Variants in MAP3K2 observed in about 807,000 individuals in gnomAD.
The protein encoded by MAP3K2 is MAP/ERK kinase kinase 2.
Under a neutral mutation model 80.3 loss-of-function variants are expected in MAP3K2, and 24 were observed. The observed-to-expected ratio is 0.30, with a 90% confidence interval of 0.22 to 0.42. The LOEUF (loss-of-function observed/expected upper bound fraction) is 0.42, where lower values mean the gene tolerates loss of function less well. Among genes scored for constraint, MAP3K2 ranks in the 10% least tolerant of loss-of-function variants. The pLI is 1.00. For missense variants in MAP3K2, 608 were observed against 750.1 expected (o/e 0.81, Z 2.21); for synonymous variants, 244 against 253.7 (o/e 0.96, Z 0.36).
At chr2:127,353,994 G>A (rs907800301) in intron 1 of MAP3K2, among the ~76,000 whole-genome samples, 2 of 151,756 alleles carry the variant, frequency 1.3e-5, no homozygotes, top group African/African-American at 4.8e-5. Context: ...AGGGTTAAAT[G>A]GATTAAGGGC....
At chr2:127,358,917 TA>T (rs564351324) in intron 1 of MAP3K2, among the ~76,000 whole-genome samples, 14,538 of 132,872 alleles carry the variant, frequency 0.11, 891 homozygotes, top group African/African-American at 0.21. Flanking sequence ...TCCAAAACAA[TA>T]AAAAAAAAAA....
rs556510874 is a variant in MAP3K2, at chr2:127,324,630, T to C, written c.678-389A>G. Among the ~76,000 whole-genome samples, 5 of 152,324 alleles carry C rather than the reference T, an allele frequency of 3.3e-5. No individual in the cohort carries two copies. In the East Asian group the frequency reaches 7.7e-4, roughly 23 times the overall value. On this transcript the variant is annotated intron_variant, in intron 9 of 16. Coordinates refer to ENST00000682094, the MANE Select transcript of MAP3K2 (RefSeq NM_001371910.2). ...GGTATCCAGGATAGTGTTTTGCAAA[T>C]GGTAAGTACTCAAATATATAGCTTT...
chr2:127,388,308 A>C (rs1219165469), upstream of MAP3K2: 2 of 985,484 alleles, frequency 2.0e-6, no homozygotes, highest in Non-Finnish European at 2.4e-6. Flanking sequence ...GATCCCGTGA[A>C]AAGGTCTCCC....
At chr2:127,333,408 T>C (rs1020143535) in intron 5 of MAP3K2, among the ~76,000 whole-genome samples, 1 of 152,174 alleles carries the variant, frequency 6.6e-6, no homozygotes, top group South Asian at 2.1e-4. Context: ...TAGAAGTTTA[T>C]AGAGTAACAG....
chr2:127,319,196 T>C (rs1036444404), intron 12 of MAP3K2, among the ~76,000 whole-genome samples: 2 of 147,646 alleles, frequency 1.4e-5, no homozygotes, highest in Non-Finnish European at 3.0e-5. Flanking sequence ...CACCCCTGCA[T>C]TACAGTTAAA....
At position 127,387,706 on chromosome 2, in the gene MAP3K2, C is replaced by A. The variant is rs1687396359; in HGVS notation, c.-320G>T. ...CTCGCAGCCGGCCGGGTCCTCCTGG[C>A]GCTCCTCGGCACTTCTAGCCGCTGC... On this transcript the variant is annotated 5_prime_UTR_variant, in exon 1 of 17. Transcript: ENST00000682094. The A allele has an allele frequency of 2.0e-6, 2 of 985,256 alleles. No homozygotes were observed. The highest frequency in any genetic ancestry group is 2.4e-6 in the Non-Finnish European group (2 of 829,904). 61.0% of individuals were successfully genotyped at this position (985,256 alleles called of 1,614,324 possible).
intron 1 of MAP3K2, among the ~76,000 whole-genome samples, chr2:127,370,346 G>C (rs552003322): frequency 6.6e-6 from 1 of 152,330 alleles, no homozygotes; most frequent in Non-Finnish European, 1.5e-5. Context: ...CTGTTGTTCA[G>C]CCAGGGTCTG....
intron 1 of MAP3K2, among the ~76,000 whole-genome samples, chr2:127,386,845 A>G (rs1687359959): frequency 6.6e-6 from 1 of 152,220 alleles, no homozygotes; most frequent in Non-Finnish European, 1.5e-5. Context: ...ACAGTCTTAC[A>G]AAAAGACATC....
Position 127,321,216 on chromosome 2 carries a change from A to T in MAP3K2, c.1045+830T>A, listed in dbSNP as rs767871570. 1.7e-4 allele frequency among the ~76,000 whole-genome samples: 26 copies of T among 152,358 alleles called. No individual in the cohort carries two copies. Among genetic ancestry groups the T allele is most frequent in the Non-Finnish European group, 2.9e-4 (20 of 68,032 alleles). On this transcript the variant is annotated intron_variant, in intron 12 of 16. Transcript: ENST00000682094. The surrounding 1 kb of genome is among the most constrained non-coding windows in gnomAD (Gnocchi z 4.4). ...AAGGTTAAAATGCAGTTTTTCAGGC[A>T]GAAGGAATTTGATACCCAATAGATC...
At chr2:127,324,365 T>C (rs940287937) in intron 9 of MAP3K2, 124 bp from the exon 10 acceptor site, 4 of 549,776 alleles carry the variant, frequency 7.3e-6, no homozygotes, top group Non-Finnish European at 1.3e-5. Flanking sequence ...GGAGCTCACT[T>C]TGAAAGGTTA....
At chr2:127,309,906 TC>T (rs1685778512) in intron 15 of MAP3K2, among the ~76,000 whole-genome samples, 1 of 152,028 alleles carries the variant, frequency 6.6e-6, no homozygotes, top group Non-Finnish European at 1.5e-5. Flanking sequence ...AAAGTCATTC[TC>T]CCCCACCCTT....
chr2:127,384,213 GATAT>G (rs35560058), intron 1 of MAP3K2, among the ~76,000 whole-genome samples: 75 of 144,386 alleles, frequency 5.2e-4, no homozygotes, highest in East Asian at 1.4e-3. Flanking sequence ...ATTTTTAATT[GATAT>G]ATATATATAT....
chr2:127,366,630 G>C (rs940707718), intron 1 of MAP3K2, among the ~76,000 whole-genome samples: 1 of 151,740 alleles, frequency 6.6e-6, no homozygotes, highest in African/African-American at 2.4e-5. Context: ...ATTATTTTTC[G>C]GTTGCTACTG....
chr2:127,339,013 C>T lies in MAP3K2; in HGVS notation c.42G>A (p.Leu14=), dbSNP rs754972563. The T allele has an allele frequency of 2.5e-6, 4 of 1,612,288 alleles. No individual in the cohort carries two copies. Among genetic ancestry groups the T allele is most frequent in the Non-Finnish European group, 3.4e-6 (4 of 1,179,164 alleles). ...QQALNSIMQD[L]AVLHKASRPA... ...GTCGACTGGCCTTATGAAGGACAGC[C>T]AAATCTTGCATGATTGAGTTCAAAG... The change falls in exon 3 of 17, where the codon TTG becomes TTA. Residue 14 remains leucine, a synonymous_variant. Transcript: ENST00000682094. The surrounding 1 kb of genome is among the most constrained non-coding windows in gnomAD (Gnocchi z 4.2).
intron 1 of MAP3K2, 29 bp downstream of exon 1, chr2:127,387,423 A>C (rs1008766024): frequency 0.029 from 12,664 of 443,970 alleles, 102 homozygotes; most frequent in Admixed American, 0.17. Flanking sequence ...CACACACACA[A>C]GCGCGCGCGC....
rs958153081 is a variant in MAP3K2 at position 127,310,696 on chromosome 2, GT to G, written c.1457-1935del. On this transcript the variant is annotated intron_variant, in intron 15 of 16. Transcript: ENST00000682094. This position sits in a 1 kb window ranked among gnomAD's most constrained non-coding sequence, Gnocchi z 4.8. ...CCAAGCTTGGGCACTAGGCTCACTT[GT>G]TTTTTATTCTCTATTTTCACTCTTA... Among the ~76,000 whole-genome samples the G allele has an allele frequency of 6.6e-6, 1 of 151,796 alleles. No homozygotes were observed. Among genetic ancestry groups the G allele is most frequent in the South Asian group, 2.1e-4 (1 of 4,816 alleles).
At chr2:127,377,660 T>C (rs1364134121) in intron 1 of MAP3K2, among the ~76,000 whole-genome samples, 1 of 152,218 alleles carries the variant, frequency 6.6e-6, no homozygotes, top group African/African-American at 2.4e-5. Context: ...TTTAAAAATG[T>C]AATATGAATT....
Position 127,387,743 on chromosome 2 carries a change from C to G in MAP3K2, c.-357G>C, listed in dbSNP as rs1234660534. On this transcript the variant is annotated 5_prime_UTR_variant, in exon 1 of 17. Transcript: ENST00000682094. ...CTTCTAGCCGCTGCAACCCCGAGGC[C>G]CGCGGGAACTGGGCAGGAAAGGAGG... is the stretch of plus-strand genomic sequence containing the variant. 10 of 984,840 alleles carry G rather than the reference C, an allele frequency of 1.0e-5. No homozygotes were observed. Among genetic ancestry groups the G allele is most frequent in the Non-Finnish European group, 1.2e-5 (10 of 829,604 alleles). 61.0% of individuals were successfully genotyped at this position (984,840 alleles called of 1,614,324 possible).
At chr2:127,309,758 TG>T (rs1294543550) in intron 15 of MAP3K2, among the ~76,000 whole-genome samples, 1 of 152,108 alleles carries the variant, frequency 6.6e-6, no homozygotes, top group African/African-American at 2.4e-5. Flanking sequence ...TAACGGGGGT[TG>T]TAAGTTTTTT....
Sources: allele counts gnomAD v4.1 joint callset (sites outside exome capture counted in the v4.1 genomes callset), GRCh38; gene constraint gnomAD v4.1.1; non-coding constraint Gnocchi (gnomAD v3.1); transcripts MANE v1.5; gene names NCBI Gene and HGNC (gene_info 2026-07-23, HGNC 2026-07-21).